MEGF11: variants seen among roughly 807,000 people sequenced by gnomAD.
The protein encoded by MEGF11 is multiple EGF like domains 11.
In MEGF11, 126 loss-of-function variants were observed where a neutral mutation model predicts 146.6. The observed-to-expected ratio is 0.86, with a 90% CI of 0.74 to 1.00. The LOEUF is 1.00. Ranked by LOEUF, MEGF11 falls within the 50% of genes least tolerant of loss-of-function variation. MEGF11 has a pLI of 0.00. For missense variants in MEGF11, 1,509 were observed against 1,521.2 expected (o/e 0.99, Z 0.13); for synonymous variants, 532 against 583.4 (o/e 0.91, Z 1.27).
At chr15:65,930,707 C>T in intron 11 of MEGF11, 116 bp downstream of exon 11, 1 of 1,324,138 alleles carries the variant, frequency 7.6e-7, no homozygotes, top group Admixed American at 2.5e-5. Flanking sequence ...GGCTCCCTGA[C>T]CTTGCATGTG....
chr15:66,095,926 G>C (rs1359548091), intron 4 of MEGF11, among the ~76,000 whole-genome samples: 6 of 152,202 alleles, frequency 3.9e-5, no homozygotes, highest in African/African-American at 1.4e-4. Flanking sequence ...TGACCCCGGG[G>C]AACAGCTCCA....
intron 5 of MEGF11, among the ~76,000 whole-genome samples, chr15:66,082,928 T>C (rs967971587): frequency 3.3e-5 from 5 of 152,136 alleles, no homozygotes; most frequent in Admixed American, 6.5e-5. Flanking sequence ...TGGCCCTGCC[T>C]ATCTCCTTTT....
chr15:66,203,219 G>A (rs1029336130), intron 1 of MEGF11, among the ~76,000 whole-genome samples: 1 of 152,188 alleles, frequency 6.6e-6, no homozygotes, highest in Non-Finnish European at 1.5e-5. Context: ...TAGGAGCTGA[G>A]ACCTTCATGG....
At chr15:66,061,924 C>T (rs1317131120) in intron 5 of MEGF11, among the ~76,000 whole-genome samples, 1 of 152,216 alleles carries the variant, frequency 6.6e-6, no homozygotes, top group Non-Finnish European at 1.5e-5. Flanking sequence ...TGCACACCAC[C>T]ACACTTGGCT....
At position 65,897,829 on chromosome 15, in the gene MEGF11, A is replaced by C; in HGVS notation, c.*105T>G. On this transcript the variant is annotated 3_prime_UTR_variant, in exon 26 of 26. Coordinates refer to ENST00000395614, the MANE Select transcript of MEGF11 (RefSeq NM_001385028.1). ...GTTCCAGGTGAACGTAATAACTAAC[A>C]TGCAGCTGGAGCCAGTCTGTACCAT... The C allele has an allele frequency of 1.9e-6, 2 of 1,044,302 alleles. No individual in the cohort carries two copies. Among genetic ancestry groups the C allele is most frequent in the South Asian group, 2.0e-5 (1 of 51,018 alleles). The allele number at this position is 1,044,302 out of a possible 1,614,324, so 64.7% of individuals were successfully genotyped here.
intron 5 of MEGF11, among the ~76,000 whole-genome samples, chr15:66,065,486 T>C (rs1238060812): frequency 6.6e-6 from 1 of 152,110 alleles, no homozygotes; most frequent in Non-Finnish European, 1.5e-5. Flanking sequence ...TCCGCACTGG[T>C]TGGGGGATGG....
chr15:66,236,198 G>A (rs545861406), intron 1 of MEGF11, among the ~76,000 whole-genome samples: 2 of 152,280 alleles, frequency 1.3e-5, no homozygotes, highest in Non-Finnish European at 2.9e-5. Context: ...AGCACTGTGT[G>A]TTCTGGAGGA....
intron 10 of MEGF11, among the ~76,000 whole-genome samples, chr15:65,953,980 A>C (rs150213842): frequency 5.2e-3 from 792 of 152,066 alleles, no homozygotes; most frequent in Middle Eastern, 0.024. Flanking sequence ...GGGCAGGGAG[A>C]GCTGGGGTGG....
At chr15:65,988,511 G>A (rs557541715) in intron 5 of MEGF11, among the ~76,000 whole-genome samples, 6 of 152,198 alleles carry the variant, frequency 3.9e-5, no homozygotes, top group South Asian at 2.1e-4. Context: ...TTATCCATTC[G>A]TCTGTTGATG....
chr15:66,228,090 G>A (rs974543928), intron 1 of MEGF11, among the ~76,000 whole-genome samples: 38 of 152,284 alleles, frequency 2.5e-4, no homozygotes, highest in African/African-American at 9.1e-4. Context: ...TCTGCCAAAT[G>A]AGGGGGTGGA....
At chr15:65,972,062 T>C (rs1371240801) in intron 7 of MEGF11, among the ~76,000 whole-genome samples, 1 of 151,866 alleles carries the variant, frequency 6.6e-6, no homozygotes, top group Non-Finnish European at 1.5e-5. Context: ...AATGTTGCAA[T>C]AGAAGAGCCA....
In MEGF11 at chr15:65,980,793, G is replaced by T. The variant is rs1194922578; in HGVS notation, c.747C>A (p.Cys249Ter). The change falls in exon 7 of 26, where the codon TGC becomes TGA. Residue 249 changes from cysteine to a stop codon, truncating the protein, a stop_gained. Coordinates refer to ENST00000395614, the MANE Select transcript of MEGF11 (RefSeq NM_001385028.1). LOFTEE classifies it high-confidence loss of function. ...TCHHITGECA[C>*]PPGWTGAVCA... ...GCCCACTTACCGTCCAGCCTGGGGG[G>T]CAGGCACACTCGCCAGTGATGTGGT... The T allele has an allele frequency of 2.5e-6, 4 of 1,605,786 alleles. No individual in the cohort carries two copies. The highest frequency in any genetic ancestry group is 3.4e-6 in the Non-Finnish European group (4 of 1,176,406).
chr15:65,898,563 G>A, intron 25 of MEGF11, 165 bp downstream of exon 25: 1 of 985,330 alleles, frequency 1.0e-6, no homozygotes, highest in South Asian at 4.7e-5. Context: ...TCCTGCATTA[G>A]CTAGGAGGGT....
Position 65,898,025 on chromosome 15 carries a change from A to T in MEGF11, c.3332T>A (p.Leu1111Gln). The T allele has an allele frequency of 6.2e-7, 1 of 1,613,978 alleles. No individual in the cohort carries two copies. Among genetic ancestry groups the T allele is most frequent in the Non-Finnish European group, 8.5e-7 (1 of 1,179,854 alleles). ...ACCAGGAATATGGCTGTTCCTAGGT[A>T]GGTCGTATGCATTCTGGATATAGCT... Reference protein sequence around the residue: ...NSSYIQNAYDLPRNSHIPGHY... With the variant: ...NSSYIQNAYDQPRNSHIPGHY... The change falls in exon 26 of 26, where the codon CTA becomes CAA. Residue 1111 changes from leucine to glutamine, a missense_variant. Physicochemically the swap from Leu to Gln is moderately radical, Grantham distance 113 (BLOSUM62 -2). Coordinates refer to ENST00000395614, the MANE Select transcript of MEGF11 (RefSeq NM_001385028.1).
intron 1 of MEGF11, among the ~76,000 whole-genome samples, chr15:66,167,863 CG>C (rs1258387459): frequency 6.6e-6 from 1 of 152,060 alleles, no homozygotes; most frequent in Admixed American, 6.6e-5. Flanking sequence ...TTTGTGAGGC[CG>C]GGGGGAAGGG....
At chr15:66,175,300 T>C (rs1567272759) in intron 1 of MEGF11, among the ~76,000 whole-genome samples, 1 of 151,950 alleles carries the variant, frequency 6.6e-6, no homozygotes, top group Non-Finnish European at 1.5e-5. Context: ...ATGACAGTCT[T>C]CACAGAAATA....
intron 5 of MEGF11, among the ~76,000 whole-genome samples, chr15:65,983,277 T>C (rs553155828): frequency 1.3e-5 from 2 of 152,270 alleles, no homozygotes; most frequent in African/African-American, 4.8e-5. Flanking sequence ...TGTAATTAAA[T>C]GTTTCAAAGA....
chr15:65,930,251 T>C (rs1447755260), intron 11 of MEGF11, among the ~76,000 whole-genome samples: 2 of 152,148 alleles, frequency 1.3e-5, no homozygotes, highest in Admixed American at 1.3e-4. Context: ...ACTGGCCTCT[T>C]TGCCTACCAC....
intron 5 of MEGF11, among the ~76,000 whole-genome samples, chr15:66,075,947 G>T (rs2085558511): frequency 6.6e-6 from 1 of 152,192 alleles, no homozygotes; most frequent in South Asian, 2.1e-4. Context: ...GGGCTGAAAG[G>T]TCCTTAGGGC....
Sources: gnomAD v4.1 joint callset for allele counts (sites outside exome capture counted in the v4.1 genomes callset) on GRCh38, gnomAD v4.1.1 for gene constraint, MANE v1.5 for transcripts, NCBI Gene and HGNC (gene_info 2026-07-23, HGNC 2026-07-21) for gene names.